The following ST6GALNAC3 variants were observed in gnomAD, a reference collection of about 807,000 sequenced individuals.
ST6GALNAC3 encodes ST6 N-acetylgalactosaminide alpha-2,6-sialyltransferase 3, also known as alpha-N-acetylgalactosaminide alpha-2,6-sialyltransferase 3.
ST6GALNAC3 carries 25 observed loss-of-function variants against 32.7 expected under a neutral mutation model. The ratio of observed to expected loss-of-function variants is 0.76; its 90% CI spans 0.56 to 1.07. The LOEUF (loss-of-function observed/expected upper bound fraction) is 1.07, where lower values mean the gene tolerates loss of function less well. Among genes scored for constraint, ST6GALNAC3 ranks in the 50% least tolerant of loss-of-function variants. The pLI, the probability that ST6GALNAC3 is intolerant of heterozygous loss-of-function variation, is 0.00. For synonymous variants in ST6GALNAC3, 129 were observed against 133.1 expected (o/e 0.97, Z 0.21); for missense variants, 355 against 382.4 (o/e 0.93, Z 0.60).
rs548305619 is a variant in ST6GALNAC3, at chr1:76,328,303, C to G, written c.213+14304C>G. 2.0e-4 allele frequency among the ~76,000 whole-genome samples: 31 copies of G among 152,240 alleles called. No homozygotes were observed. The South Asian group carries it at 2.1e-3, about 10-fold the overall frequency. ...GTTTTTGTTGAATTGGGGAACTTCACGAATGAGAAGTAGAGGAGTTGAGAT... is the reference window on the plus strand; with the variant it reads ...GTTTTTGTTGAATTGGGGAACTTCAGGAATGAGAAGTAGAGGAGTTGAGAT... On this transcript the variant is annotated intron_variant, in intron 2 of 4. Transcript: ENST00000328299.
At chr1:76,378,776 C>T (rs1021624391) in intron 2 of ST6GALNAC3, among the ~76,000 whole-genome samples, 2 of 152,116 alleles carry the variant, frequency 1.3e-5, no homozygotes, top group African/African-American at 4.8e-5. Context: ...CTATTGTAAC[C>T]ATGTAGAGAG....
At chr1:76,352,497 C>CTTTTTTT (rs397706056) in intron 2 of ST6GALNAC3, among the ~76,000 whole-genome samples, 1 of 116,232 alleles carries the variant, frequency 8.6e-6, no homozygotes, top group Non-Finnish European at 1.8e-5. Context: ...TTTTGGTTTC[C>CTTTTTTT]TTTTTTTTTT....
intron 1 of ST6GALNAC3, among the ~76,000 whole-genome samples, chr1:76,224,096 G>A (rs1455347971): frequency 6.6e-6 from 1 of 152,118 alleles, no homozygotes; most frequent in African/African-American, 2.4e-5. Flanking sequence ...AACATTTCCT[G>A]ATGCTTCCAT....
intron 3 of ST6GALNAC3, among the ~76,000 whole-genome samples, chr1:76,501,643 G>A (rs1661182793): frequency 6.6e-6 from 1 of 152,140 alleles, no homozygotes; most frequent in Non-Finnish European, 1.5e-5. Flanking sequence ...TAAAGAGGCA[G>A]GCTATCAAGG....
chr1:76,111,918 G>A lies in ST6GALNAC3; in HGVS notation c.18+37034G>A, dbSNP rs549659774. Among the ~76,000 whole-genome samples, 250 of 152,202 alleles carry A rather than the reference G, an allele frequency of 1.6e-3. 1 individual carries two copies. The highest frequency in any genetic ancestry group is 4.9e-3 in the Admixed American group (75 of 15,292). ...CCCCTTTCTATTCCACAAAACCGCC[G>A]TTGTCATCATGGCCCCTTCTCAATG... is the stretch of plus-strand genomic sequence containing the variant. On this transcript the variant is annotated intron_variant, in intron 1 of 4. Transcript: ENST00000328299.
chr1:76,630,661 T>C lies in ST6GALNAC3; in HGVS notation c.*1855T>C. The stretch of plus-strand genomic sequence containing the variant: ...GGTGAGCTATCATTAAAGTGTGCCA[T>C]CTTGGATAAAGGCCTTTTGCCTACT... On this transcript the variant is annotated 3_prime_UTR_variant, in exon 5 of 5. Coordinates refer to ENST00000328299, the MANE Select transcript of ST6GALNAC3 (RefSeq NM_152996.4). 1 of 985,652 alleles carries C rather than the reference T, an allele frequency of 1.0e-6. No individual in the cohort carries two copies. Among genetic ancestry groups the C allele is most frequent in the Non-Finnish European group, 1.2e-6 (1 of 829,846 alleles). 61.1% of individuals were successfully genotyped at this position (985,652 alleles called of 1,614,324 possible).
At chr1:76,252,968 C>T (rs1292837314) in intron 1 of ST6GALNAC3, among the ~76,000 whole-genome samples, 1 of 152,038 alleles carries the variant, frequency 6.6e-6, no homozygotes, top group Non-Finnish European at 1.5e-5. Flanking sequence ...GATTAGAATG[C>T]ACTAGTGGGG....
chr1:76,380,873 A>C (rs886898222), intron 2 of ST6GALNAC3, among the ~76,000 whole-genome samples: 9 of 152,232 alleles, frequency 5.9e-5, no homozygotes, highest in Non-Finnish European at 7.3e-5. Context: ...TAAATAGAAT[A>C]AGGTACTGGG....
intron 3 of ST6GALNAC3, among the ~76,000 whole-genome samples, chr1:76,608,848 T>C (rs1327123865): frequency 1.3e-5 from 2 of 152,182 alleles, no homozygotes; most frequent in Admixed American, 6.5e-5. Context: ...TATTAATTAT[T>C]TGGGAAGAAT....
intron 3 of ST6GALNAC3, among the ~76,000 whole-genome samples, chr1:76,523,347 A>G (rs1662671623): frequency 6.6e-6 from 1 of 151,838 alleles, no homozygotes; most frequent in South Asian, 2.1e-4. Context: ...TCTGTTGCCT[A>G]TTTCTTTTTC....
chr1:76,530,274 A>G (rs569001886), intron 3 of ST6GALNAC3, among the ~76,000 whole-genome samples: 3 of 152,314 alleles, frequency 2.0e-5, no homozygotes, highest in East Asian at 3.9e-4. Context: ...ACAAAACTTC[A>G]TACCTGATTA....
chr1:76,313,078 T>C (rs1337195377), intron 1 of ST6GALNAC3, among the ~76,000 whole-genome samples: 1 of 152,186 alleles, frequency 6.6e-6, no homozygotes, highest in African/African-American at 2.4e-5. Context: ...TTTTGAATCT[T>C]ACTTTTGCAA....
chr1:76,121,592 T>G (rs1648874645), intron 1 of ST6GALNAC3, among the ~76,000 whole-genome samples: 1 of 152,122 alleles, frequency 6.6e-6, no homozygotes, highest in African/African-American at 2.4e-5. Context: ...GATGGGTGCC[T>G]GTAATCCCAG....
At chr1:76,086,335 A>G (rs1646964087) in intron 1 of ST6GALNAC3, among the ~76,000 whole-genome samples, 1 of 152,224 alleles carries the variant, frequency 6.6e-6, no homozygotes, top group Non-Finnish European at 1.5e-5. Flanking sequence ...GAATGGGGAA[A>G]TCGAAGACTG....
In ST6GALNAC3 at chr1:76,271,378, A is replaced by G. The variant is rs139956629; in HGVS notation, c.19-42427A>G. ...GGAGAAAAGAATTATTGATAAGTTC[A>G]TAATTATTCACAATTATTTATTGAG... On this transcript the variant is annotated intron_variant, in intron 1 of 4. Transcript: ENST00000328299. 5.3e-5 allele frequency among the ~76,000 whole-genome samples: 8 copies of G among 152,346 alleles called. No individual in the cohort carries two copies. In the East Asian group the frequency reaches 1.5e-3, roughly 29 times the overall value.
chr1:76,609,470 T>G (rs913129021), intron 3 of ST6GALNAC3, among the ~76,000 whole-genome samples: 1 of 152,210 alleles, frequency 6.6e-6, no homozygotes, highest in South Asian at 2.1e-4. Flanking sequence ...TTGCATTTTG[T>G]CAAATTCTTT....
At chr1:76,449,393 C>A (rs948972360) in intron 3 of ST6GALNAC3, among the ~76,000 whole-genome samples, 7 of 152,176 alleles carry the variant, frequency 4.6e-5, no homozygotes, top group Admixed American at 4.6e-4. Context: ...CATTCATGTG[C>A]AAAATTTTGT....
chr1:76,631,302 CA>C lies in ST6GALNAC3; in HGVS notation c.*2511del, dbSNP rs57251073. The C allele has an allele frequency of 0.15, 18,903 of 124,420 alleles. 1,790 individuals are homozygous for C. Among genetic ancestry groups the C allele is most frequent in the African/African-American group, 0.32 (11,774 of 36,264 alleles). 7.7% of individuals were successfully genotyped at this position (124,420 alleles called of 1,614,324 possible). On this transcript the variant is annotated 3_prime_UTR_variant, in exon 5 of 5. Transcript: ENST00000328299. ...TCTTTTTCTTTCTACAAACAGGAAA[CA>C]AAAAAAAAAAAAAACAAGTTTTTCT...
At chr1:76,478,196 A>G (rs1265722528) in intron 3 of ST6GALNAC3, among the ~76,000 whole-genome samples, 1 of 152,140 alleles carries the variant, frequency 6.6e-6, no homozygotes, top group African/African-American at 2.4e-5. Flanking sequence ...CTGGTCTTGG[A>G]CTAATTTCCC....
Sources: gnomAD v4.1 joint callset for allele counts (sites outside exome capture counted in the v4.1 genomes callset) on GRCh38, gnomAD v4.1.1 for gene constraint, MANE v1.5 for transcripts, NCBI Gene and HGNC (gene_info 2026-07-23, HGNC 2026-07-21) for gene names.